ATP9A: variants seen among roughly 807,000 people sequenced by gnomAD.
ATP9A encodes probable phospholipid-transporting ATPase IIA.
A neutral mutation model predicts 144.1 loss-of-function variants in ATP9A; 52 were observed. That is an observed-to-expected ratio of 0.36 (90% CI 0.29 to 0.45). The LOEUF (loss-of-function observed/expected upper bound fraction) is 0.45, where lower values mean the gene tolerates loss of function less well. Among genes scored for constraint, ATP9A ranks in the 20% least tolerant of loss-of-function variants. The probability of loss-of-function intolerance (pLI) is 1.00; values close to 1 mark genes in which losing one functional copy is unlikely to be tolerated. For missense variants in ATP9A, 947 were observed against 1,392.7 expected (o/e 0.68, Z 5.09); for synonymous variants, 582 against 557.4 (o/e 1.04, Z -0.62).
At chr20:51,694,659 T>C (rs963833954) in intron 6 of ATP9A, among the ~76,000 whole-genome samples, 1 of 152,084 alleles carries the variant, frequency 6.6e-6, no homozygotes, top group Non-Finnish European at 1.5e-5. Flanking sequence ...GTGCGCAGAG[T>C]TCAGAACAGG....
intron 4 of ATP9A, among the ~76,000 whole-genome samples, chr20:51,707,339 C>T (rs1044595555): frequency 1.1e-4 from 16 of 152,066 alleles, no homozygotes; most frequent in Admixed American, 3.3e-4. Flanking sequence ...AAGACATCAC[C>T]AGATTCTCTC....
At chr20:51,639,300 T>C (rs763578407) in intron 15 of ATP9A, 43 bp downstream of exon 15, 15 of 1,572,392 alleles carry the variant, frequency 9.5e-6, no homozygotes, top group Non-Finnish European at 1.3e-5. Context: ...GCAGCACACC[T>C]GGGGTACTTA....
Position 51,629,071 on chromosome 20 carries a change from T to C in ATP9A, c.1670A>G (p.Asp557Gly). ...AAACGTAATTTCTCCAGTTGATTCA[T>C]CCTAGAGAGGGAGGCCGGAAGGAAT... ...ESKRMGIIVRDESTGEITFYM... is the reference protein window; with the variant it reads ...ESKRMGIIVRGESTGEITFYM... Residue 557 changes from aspartate to glycine, a missense_variant and splice_region_variant, in exon 16 of 28, where the codon GAT (aspartate) becomes GGT (glycine). Coordinates refer to ENST00000338821, the MANE Select transcript of ATP9A (RefSeq NM_006045.3). The C allele has an allele frequency of 6.2e-7, 1 of 1,612,508 alleles. No homozygotes were observed. Among genetic ancestry groups the C allele is most frequent in the Non-Finnish European group, 8.5e-7 (1 of 1,178,554 alleles).
chr20:51,742,324 C>A (rs958355441), intron 1 of ATP9A, among the ~76,000 whole-genome samples: 223 of 117,922 alleles, frequency 1.9e-3, no homozygotes, highest in Middle Eastern at 4.7e-3. Context: ...AACACTGTCT[C>A]AAAAAAAAAA....
In ATP9A at chr20:51,736,234, G is replaced by A. The variant is rs546207558; in HGVS notation, c.69-6256C>T. Among the ~76,000 whole-genome samples, 16 of 152,326 alleles carry A rather than the reference G, an allele frequency of 1.1e-4. No individual in the cohort carries two copies. In the East Asian group the frequency reaches 2.9e-3, roughly 28 times the overall value. On this transcript the variant is annotated intron_variant, in intron 1 of 27. Coordinates refer to ENST00000338821, the MANE Select transcript of ATP9A (RefSeq NM_006045.3). The stretch of plus-strand genomic sequence containing the variant: ...GCACCCATCACGGGGAGAAGATAAA[G>A]GACAAGGAGGGAGGAGATGGGGGGC...
At chr20:51,610,594 A>T (rs1250361717) in intron 23 of ATP9A, among the ~76,000 whole-genome samples, 3 of 152,146 alleles carry the variant, frequency 2.0e-5, no homozygotes, top group East Asian at 3.9e-4. Context: ...TATCACCCAC[A>T]CTTTACAGAA....
At chr20:51,644,475 TTA>T (rs2077334005) in intron 14 of ATP9A, among the ~76,000 whole-genome samples, 1 of 151,698 alleles carries the variant, frequency 6.6e-6, no homozygotes, top group Non-Finnish European at 1.5e-5. Context: ...TTTCACCATG[TTA>T]GTCAGGATGG....
chr20:51,602,955 T>G (rs2122702525), intron 27 of ATP9A, among the ~76,000 whole-genome samples: 1 of 152,164 alleles, frequency 6.6e-6, no homozygotes, highest in Non-Finnish European at 1.5e-5. Flanking sequence ...CCCCAGGCGG[T>G]GGGGTCCACA....
chr20:51,690,594 G>A (rs2077544179), intron 8 of ATP9A, 145 bp downstream of exon 8: 3 of 702,120 alleles, frequency 4.3e-6, no homozygotes, highest in African/African-American at 1.8e-5. Flanking sequence ...GAAACAATAC[G>A]CTGGCTTTCA....
chr20:51,617,448 A>C, intron 22 of ATP9A, 42 bp downstream of exon 22: 2 of 1,580,318 alleles, frequency 1.3e-6, no homozygotes, highest in Middle Eastern at 3.3e-4. Context: ...AAGAACCAAG[A>C]AACTACAGCA....
rs2077129426 is a variant in ATP9A at position 51,598,671 on chromosome 20, T to C, written c.*2540A>G. On this transcript the variant is annotated 3_prime_UTR_variant, in exon 28 of 28. Coordinates refer to ENST00000338821, the MANE Select transcript of ATP9A (RefSeq NM_006045.3). ...CCCAGGCGCCCCTGGGGTTCTCTGC[T>C]GGGCTTACAGTCTGATTGTGCAGGT... 6.6e-6 allele frequency: 1 copy of C among 151,760 alleles called. No homozygotes were observed. Among genetic ancestry groups the C allele is most frequent in the African/African-American group, 2.4e-5 (1 of 41,278 alleles). 9.4% of individuals were successfully genotyped at this position (151,760 alleles called of 1,614,324 possible). A position where few individuals can be genotyped will look rare whatever the true frequency, so the allele number is the denominator to read the frequency against.
rs371434769 is a variant in ATP9A, at chr20:51,708,105, A to T, written c.436+4861T>A. On this transcript the variant is annotated intron_variant, in intron 4 of 27. Transcript: ENST00000338821. ...TTGATTATCAAAGTACTTCAAATAC[A>T]TTTTATTAAGCCATGGCAGTTGTAT... Among the ~76,000 whole-genome samples the T allele has an allele frequency of 1.1e-4, 16 of 152,276 alleles. 2 individuals carry two copies. Among genetic ancestry groups the T allele is most frequent in the Admixed American group, 2.0e-4 (3 of 15,290 alleles).
intron 11 of ATP9A, among the ~76,000 whole-genome samples, chr20:51,671,871 TCAC>T (rs2077457536): frequency 6.6e-6 from 1 of 152,132 alleles, no homozygotes; most frequent in Non-Finnish European, 1.5e-5. Flanking sequence ...CTATTTCAGC[TCAC>T]CACAACCTTT....
rs986452573 is a variant in ATP9A, at chr20:51,610,079, T to C, written c.2636+22A>G. 1.8e-5 allele frequency: 28 copies of C among 1,562,216 alleles called. No individual in the cohort carries two copies. The African/African-American group carries it at 3.4e-4, about 19-fold the overall frequency. On this transcript the variant is annotated intron_variant, in intron 24 of 27. Coordinates refer to ENST00000338821, the MANE Select transcript of ATP9A (RefSeq NM_006045.3). ...TGAAGAAGGTTTTGTAAACAATTAA[T>C]TCCTTGGCAGGATTTCCTTACCCAA...
chr20:51,723,954 T>G (rs2077701175), intron 3 of ATP9A, among the ~76,000 whole-genome samples: 1 of 152,042 alleles, frequency 6.6e-6, no homozygotes, highest in South Asian at 2.1e-4. Flanking sequence ...GTGGATCGCC[T>G]GAGGTCAGTC....
At position 51,766,426 on chromosome 20, in the gene ATP9A, CAAATTAATAA is replaced by C; in HGVS notation, c.68+1866_68+1875del. ...AGGCGTCTCATAATTGCTCATGGCA[CAAATTAATAA>C]CCACTGGATTTTAGACTCCACTGAT... On this transcript the variant is annotated intron_variant, in intron 1 of 27. Coordinates refer to ENST00000338821, the MANE Select transcript of ATP9A (RefSeq NM_006045.3). Among the ~76,000 whole-genome samples, 2 of 152,290 alleles carry C rather than the reference CAAATTAATAA, an allele frequency of 1.3e-5. 1 individual carries two copies.
intron 1 of ATP9A, among the ~76,000 whole-genome samples, chr20:51,731,671 A>T (rs2077742050): frequency 6.6e-6 from 1 of 150,452 alleles, no homozygotes; most frequent in Admixed American, 6.6e-5. Flanking sequence ...GTGAGCCAAG[A>T]TCATGCCACT....
chr20:51,628,345 T>C (rs1207949458), intron 16 of ATP9A, among the ~76,000 whole-genome samples: 2 of 152,206 alleles, frequency 1.3e-5, no homozygotes, highest in Non-Finnish European at 2.9e-5. Flanking sequence ...GCCTCTGATG[T>C]GGCCCCTCCT....
intron 3 of ATP9A, among the ~76,000 whole-genome samples, chr20:51,725,121 G>GTTTGTT (rs914857864): frequency 1.3e-5 from 2 of 151,182 alleles, no homozygotes; most frequent in African/African-American, 4.9e-5. Context: ...GAATTTTTTT[G>GTTTGTT]TTTGTTTTTG....
Sources: gnomAD v4.1 joint callset for allele counts (sites outside exome capture counted in the v4.1 genomes callset) on GRCh38, gnomAD v4.1.1 for gene constraint, MANE v1.5 for transcripts, NCBI Gene and HGNC (gene_info 2026-07-23, HGNC 2026-07-21) for gene names.